The following PARD3 variants were observed in gnomAD, a reference collection of about 807,000 sequenced individuals.
PARD3 encodes partitioning defective 3 homolog.
PARD3 carries 75 observed loss-of-function variants against 155.4 expected under a neutral mutation model. That is an observed-to-expected ratio of 0.48 (90% CI 0.40 to 0.58). The LOEUF is 0.58. Ranked by LOEUF, PARD3 falls within the 20% of genes least tolerant of loss-of-function variation. PARD3 has a pLI of 0.00. For missense variants in PARD3, 1,642 were observed against 1,721.7 expected (o/e 0.95, Z 0.82); for synonymous variants, 576 against 610.5 (o/e 0.94, Z 0.83).
chr10:34,784,108 G>A (rs948154829), intron 1 of PARD3, among the ~76,000 whole-genome samples: 1 of 152,118 alleles, frequency 6.6e-6, no homozygotes, highest in Non-Finnish European at 1.5e-5. Flanking sequence ...CTACTTGGGA[G>A]GCTGAGGCAG....
chr10:34,788,699 T>C (rs1841284651), intron 1 of PARD3, among the ~76,000 whole-genome samples: 1 of 152,148 alleles, frequency 6.6e-6, no homozygotes, highest in East Asian at 1.9e-4. Context: ...TCTTTACATA[T>C]GTATCTCTCA....
intron 2 of PARD3, among the ~76,000 whole-genome samples, chr10:34,619,012 C>A (rs2091445390): frequency 6.6e-6 from 1 of 151,830 alleles, no homozygotes; most frequent in African/African-American, 2.4e-5. Flanking sequence ...TCACTGGATG[C>A]TCTAGAGTTC....
At chr10:34,540,101 C>T (rs942232312) in intron 2 of PARD3, among the ~76,000 whole-genome samples, 1 of 152,140 alleles carries the variant, frequency 6.6e-6, no homozygotes, top group Non-Finnish European at 1.5e-5. Flanking sequence ...GGGTCGTGGC[C>T]CTCAGCTGCA....
intron 22 of PARD3, among the ~76,000 whole-genome samples, chr10:34,229,566 C>T (rs1356647082): frequency 2.0e-5 from 3 of 151,932 alleles, no homozygotes; most frequent in Non-Finnish European, 4.4e-5. Context: ...TTTTTAAATA[C>T]ATTCCACAAC....
Position 34,458,460 on chromosome 10 carries a change from C to T in PARD3, c.583-8012G>A, listed in dbSNP as rs1158912905. ...TCGAGAAATCCTCCCATCTTGGCCT[C>T]CCAAAGTGCTGAGATTACAGGTGTG... On this transcript the variant is annotated intron_variant, in intron 4 of 24. Coordinates refer to ENST00000374788, the MANE Select transcript of PARD3 (RefSeq NM_001184785.2). 6.6e-5 allele frequency among the ~76,000 whole-genome samples: 10 copies of T among 152,286 alleles called. No homozygotes were observed. In the East Asian group the frequency reaches 1.5e-3, roughly 24 times the overall value.
intron 3 of PARD3, among the ~76,000 whole-genome samples, chr10:34,507,053 C>A (rs183060517): frequency 6.6e-6 from 1 of 152,292 alleles, no homozygotes; most frequent in Non-Finnish European, 1.5e-5. Context: ...TTACCATCTT[C>A]TGCAGTGAGC....
intron 15 of PARD3, among the ~76,000 whole-genome samples, chr10:34,347,534 T>C (rs1033241011): frequency 1.2e-4 from 19 of 152,362 alleles, no homozygotes; most frequent in Middle Eastern, 3.4e-3. Flanking sequence ...TGTGTGCATA[T>C]ATCTGTATAT....
At chr10:34,505,369 G>C (rs2080992456) in intron 3 of PARD3, among the ~76,000 whole-genome samples, 1 of 152,224 alleles carries the variant, frequency 6.6e-6, no homozygotes. Flanking sequence ...AGTGAAGAGG[G>C]AAGAATTGGG....
chr10:34,543,287 A>T (rs2083788783), intron 2 of PARD3, among the ~76,000 whole-genome samples: 2 of 152,172 alleles, frequency 1.3e-5, no homozygotes, highest in Admixed American at 1.3e-4. Flanking sequence ...ATAAAAATTA[A>T]AAAACAAAGG....
At chr10:34,677,216 C>G (rs1163906168) in intron 2 of PARD3, among the ~76,000 whole-genome samples, 1 of 152,146 alleles carries the variant, frequency 6.6e-6, no homozygotes, top group African/African-American at 2.4e-5. Flanking sequence ...CACAGTGACT[C>G]ACACCTATAA....
chr10:34,609,851 A>G (rs993207261), intron 2 of PARD3, among the ~76,000 whole-genome samples: 1 of 152,220 alleles, frequency 6.6e-6, no homozygotes, highest in African/African-American at 2.4e-5. Flanking sequence ...TTTTAAAACC[A>G]GCAGAAATTA....
chr10:34,775,339 A>G (rs1022234025), intron 1 of PARD3, among the ~76,000 whole-genome samples: 2 of 152,058 alleles, frequency 1.3e-5, no homozygotes, highest in African/African-American at 4.8e-5. Context: ...CAACAAAGCA[A>G]GACCTCATCT....
At chr10:34,652,962 T>C (rs1342982745) in intron 2 of PARD3, among the ~76,000 whole-genome samples, 1 of 151,986 alleles carries the variant, frequency 6.6e-6, no homozygotes, top group Non-Finnish European at 1.5e-5. Flanking sequence ...TAAACGGAAG[T>C]GCTCATTTTA....
At chr10:34,485,928 T>G (rs997383856) in intron 3 of PARD3, among the ~76,000 whole-genome samples, 1 of 148,716 alleles carries the variant, frequency 6.7e-6, no homozygotes, top group Non-Finnish European at 1.5e-5. Flanking sequence ...GTTTTTTTTT[T>G]TTTTTTTTTT....
chr10:34,211,943 T>C (rs1286108749), intron 22 of PARD3, among the ~76,000 whole-genome samples: 1 of 152,044 alleles, frequency 6.6e-6, no homozygotes, highest in Non-Finnish European at 1.5e-5. Context: ...CTACACTTCC[T>C]TCTTTCCATC....
At chr10:34,261,781 A>AAAGAAAGAAAG (rs1554820300) in intron 22 of PARD3, among the ~76,000 whole-genome samples, 26 of 131,956 alleles carry the variant, frequency 2.0e-4, no homozygotes, top group Non-Finnish European at 3.2e-4. Context: ...AGAAAGAAAG[A>AAAGAAAGAAAG]AAAGAAAGAA....
rs182517759 is a variant in PARD3, at chr10:34,302,161, C to T, written c.3065+14946G>A. Among the ~76,000 whole-genome samples, 250 of 152,276 alleles carry T rather than the reference C, an allele frequency of 1.6e-3. 3 individuals are homozygous for T. The highest frequency in any genetic ancestry group is 5.8e-3 in the African/African-American group (240 of 41,560). On this transcript the variant is annotated intron_variant, in intron 20 of 24. Transcript: ENST00000374788. ...ATGCCTCCAGGTTCCTCATCCCACC[C>T]TCGCAAACCGAGAGGATTTCCACCA...
intron 1 of PARD3, among the ~76,000 whole-genome samples, chr10:34,762,152 T>C (rs528914656): frequency 6.6e-6 from 1 of 152,258 alleles, no homozygotes; most frequent in Non-Finnish European, 1.5e-5. Flanking sequence ...AGGTCACTCC[T>C]ACAATAGGTT....
intron 2 of PARD3, among the ~76,000 whole-genome samples, chr10:34,669,167 T>C (rs913396923): frequency 3.3e-5 from 5 of 152,180 alleles, no homozygotes; most frequent in Admixed American, 2.6e-4. Context: ...CTCATATATG[T>C]ATCTCAGCAC....
Sources: allele counts gnomAD v4.1 joint callset (sites outside exome capture counted in the v4.1 genomes callset), GRCh38; gene constraint gnomAD v4.1.1; transcripts MANE v1.5; gene names NCBI Gene and HGNC (gene_info 2026-07-23, HGNC 2026-07-21).